The following PHF21B variants were observed in gnomAD, a reference collection of about 807,000 sequenced individuals.
PHF21B encodes the protein PHD finger protein 4.
A neutral mutation model predicts 62.2 loss-of-function variants in PHF21B; 22 were observed. The observed-to-expected ratio is 0.35, with a 90% CI of 0.25 to 0.51. The LOEUF (loss-of-function observed/expected upper bound fraction) is 0.51. Among genes scored for constraint, PHF21B ranks in the 20% least tolerant of loss-of-function variants. The pLI, the probability that PHF21B is intolerant of heterozygous loss-of-function variation, is 0.97. For synonymous variants in PHF21B, 341 were observed against 314.7 expected (o/e 1.08, Z -0.88); for missense variants, 701 against 707.9 (o/e 0.99, Z 0.11).
At chr22:44,908,266 C>A (rs1013042109) in intron 5 of PHF21B, among the ~76,000 whole-genome samples, 15 of 152,124 alleles carry the variant, frequency 9.9e-5, no homozygotes, top group Non-Finnish European at 2.1e-4. Flanking sequence ...ATCAGTGCCT[C>A]TGGGCCTCAG....
At chr22:44,917,192 T>C (rs1310023523) in intron 3 of PHF21B, among the ~76,000 whole-genome samples, 1 of 152,134 alleles carries the variant, frequency 6.6e-6, no homozygotes, top group Admixed American at 6.5e-5. Flanking sequence ...AGCCACTGGG[T>C]GGTTCAGGCC....
chr22:44,984,114 AACC>A (rs1311712681), intron 2 of PHF21B, among the ~76,000 whole-genome samples: 60 of 31,568 alleles, frequency 1.9e-3, no homozygotes, highest in African/African-American at 7.7e-3. Context: ...TCACCACCAT[AACC>A]ACCATCACCA....
chr22:45,004,719 T>C (rs2073283124), intron 2 of PHF21B, among the ~76,000 whole-genome samples: 1 of 152,360 alleles, frequency 6.6e-6, no homozygotes, highest in Admixed American at 6.5e-5. Flanking sequence ...ATTCAGTGGC[T>C]GCTTCTAAGG....
chr22:44,983,262 G>A (rs1432182026), intron 2 of PHF21B, among the ~76,000 whole-genome samples: 6 of 150,670 alleles, frequency 4.0e-5, no homozygotes, highest in South Asian at 4.2e-4. Flanking sequence ...AGGCAAAACC[G>A]GGGGAAATCT....
chr22:44,893,538 A>G lies in PHF21B; in HGVS notation c.884-5T>C, dbSNP rs2071004266. 2.5e-6 allele frequency: 4 copies of G among 1,595,500 alleles called. No homozygotes were observed. The highest frequency in any genetic ancestry group is 1.3e-5 in the African/African-American group (1 of 74,700). ...CCTGTCGCTTGCTCTGGATTTCTGG[A>G]AAGGCACAGACACAGCAGTTACTGG... is the stretch of plus-strand genomic sequence containing the variant. On this transcript the variant is annotated splice_region_variant and splice_polypyrimidine_tract_variant and intron_variant, in intron 6 of 12. Coordinates refer to ENST00000313237, the MANE Select transcript of PHF21B (RefSeq NM_138415.5).
At chr22:44,912,723 A>T (rs906357917) in intron 5 of PHF21B, among the ~76,000 whole-genome samples, 1 of 151,876 alleles carries the variant, frequency 6.6e-6, no homozygotes, top group African/African-American at 2.4e-5. Flanking sequence ...ACAAAACATT[A>T]AAAAATTAGC....
chr22:44,975,772 G>C (rs1443833024), intron 2 of PHF21B, among the ~76,000 whole-genome samples: 1 of 152,246 alleles, frequency 6.6e-6, no homozygotes, highest in African/African-American at 2.4e-5. Flanking sequence ...GGGCCAGCGG[G>C]TCCTCCCACC....
chr22:44,885,633 T>C (rs2070843753), intron 11 of PHF21B, 104 bp from the exon 12 acceptor site: 6 of 1,206,902 alleles, frequency 5.0e-6, no homozygotes, highest in South Asian at 1.5e-5. Flanking sequence ...GCCTAGGACA[T>C]CCCCCTGAAG....
chr22:44,885,821 G>A (rs2070846920), intron 11 of PHF21B, 42 bp downstream of exon 11: 1 of 1,585,656 alleles, frequency 6.3e-7, no homozygotes, highest in Middle Eastern at 1.7e-4. Context: ...TGGGGGAGGA[G>A]GGGGAGCAGG....
chr22:44,935,669 C>G (rs993220843), intron 2 of PHF21B, among the ~76,000 whole-genome samples: 2 of 152,092 alleles, frequency 1.3e-5, no homozygotes, highest in Admixed American at 6.6e-5. Context: ...CACCTGGCAC[C>G]TTGGAGGCCC....
intron 2 of PHF21B, among the ~76,000 whole-genome samples, chr22:44,968,592 T>C (rs1234140290): frequency 7.1e-6 from 1 of 140,054 alleles, no homozygotes; most frequent in East Asian, 2.1e-4. Flanking sequence ...TGCAGTGAAC[T>C]GAGATTGCGC....
intron 2 of PHF21B, among the ~76,000 whole-genome samples, chr22:44,921,706 T>G (rs1258611641): frequency 6.6e-6 from 1 of 150,810 alleles, no homozygotes; most frequent in South Asian, 2.1e-4. Context: ...TTGCCCAGGT[T>G]GGAATGTAGT....
chr22:44,962,804 A>G (rs2072450390), intron 2 of PHF21B, among the ~76,000 whole-genome samples: 1 of 152,066 alleles, frequency 6.6e-6, no homozygotes, highest in South Asian at 2.1e-4. Context: ...AGGCTGGGGC[A>G]GGGTGGGGGC....
chr22:44,940,782 C>G (rs6007394), intron 2 of PHF21B, among the ~76,000 whole-genome samples: 34 of 152,138 alleles, frequency 2.2e-4, no homozygotes, highest in African/African-American at 8.0e-4. Flanking sequence ...CTGGACAAGG[C>G]TCAGGGACTA....
At chr22:44,919,232 C>T (rs1188366274) in intron 3 of PHF21B, among the ~76,000 whole-genome samples, 2 of 152,224 alleles carry the variant, frequency 1.3e-5, no homozygotes, top group African/African-American at 4.8e-5. Flanking sequence ...CCTGGACTCA[C>T]AGTATCTGTT....
intron 2 of PHF21B, among the ~76,000 whole-genome samples, chr22:44,951,199 T>C (rs977240196): frequency 2.0e-5 from 3 of 152,176 alleles, no homozygotes; most frequent in Non-Finnish European, 4.4e-5. Flanking sequence ...TGCTTATCTG[T>C]ATTTGCAGCC....
At chr22:44,961,341 TG>T (rs957628319) in intron 2 of PHF21B, among the ~76,000 whole-genome samples, 4 of 152,078 alleles carry the variant, frequency 2.6e-5, no homozygotes, top group African/African-American at 9.7e-5. Context: ...TGCTCAGATA[TG>T]GGGTACAACT....
intron 10 of PHF21B, among the ~76,000 whole-genome samples, chr22:44,887,477 G>T (rs2070879557): frequency 6.6e-6 from 1 of 152,118 alleles, no homozygotes; most frequent in African/African-American, 2.4e-5. Context: ...GCAGAGCTGG[G>T]CTATTCCACT....
chr22:44,998,613 A>T (rs2073159976), intron 2 of PHF21B, among the ~76,000 whole-genome samples: 1 of 151,706 alleles, frequency 6.6e-6, no homozygotes, highest in Non-Finnish European at 1.5e-5. Context: ...ATTTCCACAG[A>T]CTCCCAAGTC....
Sources: gnomAD v4.1 joint callset for allele counts (sites outside exome capture counted in the v4.1 genomes callset) on GRCh38, gnomAD v4.1.1 for gene constraint, MANE v1.5 for transcripts, NCBI Gene and HGNC (gene_info 2026-07-23, HGNC 2026-07-21) for gene names.